The following DPP10 variants were observed in gnomAD, a reference collection of about 807,000 sequenced individuals.
DPP10 encodes inactive dipeptidyl peptidase 10.
A neutral mutation model predicts 120.9 loss-of-function variants in DPP10; 33 were observed. The ratio of observed to expected loss-of-function variants is 0.27; its 90% confidence interval spans 0.21 to 0.37. DPP10 has a LOEUF of 0.37. Among genes scored for constraint, DPP10 ranks in the 10% least tolerant of loss-of-function variants. The pLI is 1.00. For synonymous variants in DPP10, 337 were observed against 326.1 expected, an observed-to-expected ratio of 1.03 and a Z score of -0.36; for missense variants, 816 against 942.8, an observed-to-expected ratio of 0.87 and a Z score of 1.76.
intron 1 of DPP10, among the ~76,000 whole-genome samples, chr2:114,553,773 GA>G (rs778883653): frequency 8.6e-5 from 13 of 150,818 alleles, no homozygotes; most frequent in Middle Eastern, 3.4e-3. Flanking sequence ...GTTTGTTCAA[GA>G]AAAAAAAATA....
chr2:115,651,190 G>A (rs149351573), intron 5 of DPP10, among the ~76,000 whole-genome samples: 1 of 151,936 alleles, frequency 6.6e-6, no homozygotes, highest in East Asian at 1.9e-4. Flanking sequence ...AAGAAGGAAT[G>A]AATGAAACCT....
intron 1 of DPP10, among the ~76,000 whole-genome samples, chr2:114,546,005 T>C (rs1423133753): frequency 6.6e-6 from 1 of 152,186 alleles, no homozygotes; most frequent in Non-Finnish European, 1.5e-5. Context: ...ATGGTCTCTA[T>C]TTTATTCCTT....
intron 1 of DPP10, among the ~76,000 whole-genome samples, chr2:115,024,007 G>A (rs1703268866): frequency 6.6e-6 from 1 of 152,082 alleles, no homozygotes; most frequent in Admixed American, 6.6e-5. Context: ...AGGACTCAGG[G>A]GAAAGGGTGG....
chr2:114,828,098 C>T (rs913600241), intron 1 of DPP10, among the ~76,000 whole-genome samples: 3 of 152,038 alleles, frequency 2.0e-5, no homozygotes, highest in African/African-American at 7.2e-5. Flanking sequence ...TGTATATGTA[C>T]TATTTTTGAA....
chr2:115,398,559 TAGTC>T lies in DPP10; in HGVS notation c.271+54652_271+54655del, dbSNP rs200706404. Among the ~76,000 whole-genome samples the T allele has an allele frequency of 7.3e-3, 1,112 of 152,240 alleles. 8 individuals are homozygous for T. Among genetic ancestry groups the T allele is most frequent in the Middle Eastern group, 0.02 (6 of 294 alleles). On this transcript the variant is annotated intron_variant, in intron 3 of 25. Coordinates refer to ENST00000410059, the MANE Select transcript of DPP10 (RefSeq NM_020868.6). ...GTTGTGGTTTGTTTTTGAATGCAAA[TAGTC>T]AGTCTTTTCTTGGTGGGTATATAAT...
intron 1 of DPP10, among the ~76,000 whole-genome samples, chr2:114,779,881 C>A (rs536465447): frequency 1.4e-4 from 21 of 152,206 alleles, no homozygotes; most frequent in South Asian, 6.2e-4. Flanking sequence ...TCACGCCTGT[C>A]ATCCCAGCAC....
intron 12 of DPP10, among the ~76,000 whole-genome samples, chr2:115,767,504 CAT>C (rs1680918853): frequency 6.9e-6 from 1 of 143,980 alleles, no homozygotes; most frequent in African/African-American, 2.5e-5. Context: ...TATATATACA[CAT>C]AGTGTGTGTG....
At chr2:115,491,175 C>G (rs932431575) in intron 3 of DPP10, among the ~76,000 whole-genome samples, 3 of 151,996 alleles carry the variant, frequency 2.0e-5, no homozygotes, top group Admixed American at 6.6e-5. Flanking sequence ...CCAAACCAAA[C>G]GAAAGAACTA....
chr2:114,774,602 C>T lies in DPP10; in HGVS notation c.60+331764C>T, dbSNP rs528998114. On this transcript the variant is annotated intron_variant, in intron 1 of 25. Coordinates refer to ENST00000410059, the MANE Select transcript of DPP10 (RefSeq NM_020868.6). Reference sequence around the variant, plus strand: ...TATAGTTTCAAAGTTGTGAGCGTATCACTGTTCAGAAGTTAACTGCAAAAC... The same window carrying T: ...TATAGTTTCAAAGTTGTGAGCGTATTACTGTTCAGAAGTTAACTGCAAAAC... Among the ~76,000 whole-genome samples the T allele has an allele frequency of 8.7e-5, 13 of 148,990 alleles. No individual in the cohort carries two copies. In the South Asian group the frequency reaches 2.8e-3, roughly 32 times the overall value.
intron 21 of DPP10, among the ~76,000 whole-genome samples, chr2:115,830,023 C>T (rs543108120): frequency 1.3e-5 from 2 of 151,976 alleles, no homozygotes; most frequent in African/African-American, 4.8e-5. Context: ...TAAAACAAAA[C>T]TCCTAGAAGC....
At chr2:114,542,248 A>G (rs60361746) in intron 1 of DPP10, among the ~76,000 whole-genome samples, 13,819 of 151,734 alleles carry the variant, frequency 0.091, 680 homozygotes, top group Middle Eastern at 0.17. Context: ...GGGTTTCACC[A>G]TGTTGGCCAG....
chr2:114,837,805 T>C (rs1172482828), intron 1 of DPP10, among the ~76,000 whole-genome samples: 4 of 152,242 alleles, frequency 2.6e-5, no homozygotes, highest in African/African-American at 9.6e-5. Flanking sequence ...TTATTTTCTC[T>C]GTCTTTTATA....
chr2:114,497,108 C>CGTATACATGCACACGGGTATACATGTAG (rs1682610151), intron 1 of DPP10, among the ~76,000 whole-genome samples: 1 of 148,750 alleles, frequency 6.7e-6, no homozygotes, highest in Non-Finnish European at 1.5e-5. Context: ...TGTACATGTA[C>CGTATACATGCACACGGGTATACATGTAG]GTATACATGC....
intron 1 of DPP10, among the ~76,000 whole-genome samples, chr2:114,467,546 C>T (rs1679506925): frequency 6.6e-6 from 1 of 152,120 alleles, no homozygotes; most frequent in Non-Finnish European, 1.5e-5. Context: ...TTAGAACCTC[C>T]TTTAGGTTAC....
At chr2:115,740,862 C>A (rs1361405964) in intron 9 of DPP10, among the ~76,000 whole-genome samples, 1 of 152,102 alleles carries the variant, frequency 6.6e-6, no homozygotes, top group African/African-American at 2.4e-5. Flanking sequence ...TGTAAAATTT[C>A]TCTTCTCATT....
intron 1 of DPP10, among the ~76,000 whole-genome samples, chr2:114,568,754 G>T (rs1459482200): frequency 4.6e-5 from 7 of 152,098 alleles, no homozygotes; most frequent in African/African-American, 1.4e-4. Context: ...AGAATGATTC[G>T]CCTTTGCTGT....
At chr2:115,460,694 G>A (rs575010232) in intron 3 of DPP10, among the ~76,000 whole-genome samples, 3 of 152,218 alleles carry the variant, frequency 2.0e-5, no homozygotes, top group East Asian at 3.9e-4. Context: ...TCAGAATCCC[G>A]AGAAATGGCA....
At chr2:115,656,501 AG>A (rs775046040) in intron 5 of DPP10, among the ~76,000 whole-genome samples, 17 of 151,788 alleles carry the variant, frequency 1.1e-4, no homozygotes, top group Admixed American at 2.0e-4. Flanking sequence ...TATATAAAAA[AG>A]GAGAAAGATC....
At chr2:115,595,099 C>T (rs2082907741) in intron 5 of DPP10, among the ~76,000 whole-genome samples, 1 of 151,984 alleles carries the variant, frequency 6.6e-6, no homozygotes, top group Non-Finnish European at 1.5e-5. Context: ...GAAAGTTTGT[C>T]AAATATGTAA....
Sources: gnomAD v4.1 joint callset for allele counts (sites outside exome capture counted in the v4.1 genomes callset) on GRCh38, gnomAD v4.1.1 for gene constraint, MANE v1.5 for transcripts, NCBI Gene and HGNC (gene_info 2026-07-23, HGNC 2026-07-21) for gene names.